SCD5: variants seen among roughly 807,000 people sequenced by gnomAD.
SCD5 encodes the protein acyl-CoA-desaturase 4.
Under a neutral mutation model 30.4 loss-of-function variants are expected in SCD5, and 20 were observed. That is an observed-to-expected ratio of 0.66 (90% confidence interval 0.46 to 0.96). SCD5 has a LOEUF of 0.96. SCD5 is among the 40% of genes least tolerant of loss of function. The pLI, the probability that SCD5 is intolerant of heterozygous loss-of-function variation, is 0.00. For missense variants in SCD5, 381 were observed against 443.3 expected (o/e 0.86, Z 1.26); for synonymous variants, 173 against 176.4 (o/e 0.98, Z 0.16).
intron 1 of SCD5, among the ~76,000 whole-genome samples, chr4:82,778,929 C>A (rs551072284): frequency 6.6e-6 from 1 of 150,882 alleles, no homozygotes; most frequent in South Asian, 2.1e-4. Flanking sequence ...TGCAGCCGTA[C>A]AATCTCAGCT....
intron 1 of SCD5, among the ~76,000 whole-genome samples, chr4:82,713,106 G>C (rs571030244): frequency 5.3e-5 from 8 of 152,326 alleles, no homozygotes; most frequent in African/African-American, 1.9e-4. Context: ...GCTGCAGAAA[G>C]ATATGTTCTC....
Position 82,670,635 on chromosome 4 carries a change from T to A in SCD5, c.569+10072A>T, listed in dbSNP as rs149417858. On this transcript the variant is annotated intron_variant, in intron 3 of 4. Transcript: ENST00000319540. ...GGTAAATATCAATTGATATGGAATA[T>A]CAATTCCATATCAATTCCATATCAA... Among the ~76,000 whole-genome samples, 14 of 151,862 alleles carry A rather than the reference T, an allele frequency of 9.2e-5. No homozygotes were observed. The East Asian group carries it at 2.7e-3, about 29-fold the overall frequency.
chr4:82,787,855 C>T (rs1424725773), intron 1 of SCD5, among the ~76,000 whole-genome samples: 2 of 152,006 alleles, frequency 1.3e-5, no homozygotes, highest in African/African-American at 4.8e-5. Context: ...ATAAAAAGAC[C>T]CTCATTCTCT....
At chr4:82,726,404 C>T (rs1204604041) in intron 1 of SCD5, among the ~76,000 whole-genome samples, 3 of 127,806 alleles carry the variant, frequency 2.3e-5, no homozygotes, top group East Asian at 2.2e-4. Context: ...GCAACAACAG[C>T]GAAACTCTGT....
chr4:82,761,881 T>C (rs548282148), intron 1 of SCD5, among the ~76,000 whole-genome samples: 4 of 152,090 alleles, frequency 2.6e-5, no homozygotes, highest in African/African-American at 7.2e-5. Flanking sequence ...CTAGAAACCT[T>C]ACACTCCATG....
intron 2 of SCD5, among the ~76,000 whole-genome samples, chr4:82,698,303 T>C (rs1719740933): frequency 1.3e-5 from 2 of 152,172 alleles, no homozygotes; most frequent in Non-Finnish European, 2.9e-5. Flanking sequence ...TCTGGTGTTT[T>C]GTTCTCTTCT....
chr4:82,678,382 G>A (rs968399680), intron 3 of SCD5, among the ~76,000 whole-genome samples: 20 of 151,928 alleles, frequency 1.3e-4, no homozygotes, highest in African/African-American at 4.8e-4. Flanking sequence ...ATTTTTTTAT[G>A]AGAAAAGATG....
At chr4:82,746,796 G>A (rs1470149424) in intron 1 of SCD5, among the ~76,000 whole-genome samples, 1 of 152,072 alleles carries the variant, frequency 6.6e-6, no homozygotes, top group Admixed American at 6.6e-5. Context: ...TCCCTGGCAA[G>A]GGCTCCACCC....
chr4:82,783,173 T>C (rs114374584), intron 1 of SCD5, among the ~76,000 whole-genome samples: 3,960 of 152,262 alleles, frequency 0.026, 183 homozygotes, highest in African/African-American at 0.091. Context: ...TGCACTTCAG[T>C]ACAACTCACT....
chr4:82,644,119 T>TA (rs1386933974), intron 3 of SCD5, among the ~76,000 whole-genome samples: 6 of 152,204 alleles, frequency 3.9e-5, no homozygotes, highest in African/African-American at 1.2e-4. Flanking sequence ...TTAAAGGACT[T>TA]ACTCTCCCAG....
intron 1 of SCD5, among the ~76,000 whole-genome samples, chr4:82,787,290 C>G (rs1722007753): frequency 6.6e-6 from 1 of 151,432 alleles, no homozygotes; most frequent in African/African-American, 2.4e-5. Context: ...AGAACACATT[C>G]TAAGTCACTG....
intron 2 of SCD5, among the ~76,000 whole-genome samples, chr4:82,684,736 C>T (rs1728659578): frequency 6.6e-6 from 1 of 152,126 alleles, no homozygotes; most frequent in African/African-American, 2.4e-5. Flanking sequence ...ATACCCCCAG[C>T]GGTATCCTGA....
intron 2 of SCD5, among the ~76,000 whole-genome samples, chr4:82,684,704 G>A (rs568088436): frequency 4.2e-4 from 64 of 152,292 alleles, no homozygotes; most frequent in African/African-American, 1.4e-3. Context: ...GGAGTGAATG[G>A]AGATCAACTG....
intron 1 of SCD5, among the ~76,000 whole-genome samples, chr4:82,753,725 C>A (rs969562134): frequency 6.6e-6 from 1 of 152,110 alleles, no homozygotes; most frequent in African/African-American, 2.4e-5. Flanking sequence ...TTTGCCTCCC[C>A]CCTCAGCCAT....
chr4:82,658,512 G>C (rs1245389945), intron 3 of SCD5, among the ~76,000 whole-genome samples: 1 of 134,670 alleles, frequency 7.4e-6, no homozygotes, highest in Non-Finnish European at 1.5e-5. Flanking sequence ...GTGTCACCAG[G>C]CTGGAGTGCA....
At chr4:82,639,796 G>A (rs9991687) in intron 3 of SCD5, among the ~76,000 whole-genome samples, 130,944 of 152,252 alleles carry the variant, frequency 0.86, 56,448 homozygotes, top group East Asian at 0.99. Flanking sequence ...AAGCCATCTT[G>A]CAACTCCAGC....
At chr4:82,636,895 GA>G in intron 3 of SCD5, 72 bp from the exon 4 acceptor site, 1 of 1,299,104 alleles carries the variant, frequency 7.7e-7, no homozygotes, top group Non-Finnish European at 1.1e-6. Context: ...CAAGTCACAG[GA>G]AAAGTCAGAA....
At chr4:82,774,297 T>TA (rs35459169) in intron 1 of SCD5, among the ~76,000 whole-genome samples, 13,927 of 150,428 alleles carry the variant, frequency 0.093, 654 homozygotes, top group East Asian at 0.11. Flanking sequence ...ATACTGCCAT[T>TA]AAAAAAAAAT....
chr4:82,661,029 C>G (rs140094740), intron 3 of SCD5: 22 of 1,613,906 alleles, frequency 1.4e-5, no homozygotes, highest in East Asian at 4.5e-5. Context: ...GCATCTCACA[C>G]GCTGCCTCTT....
Sources: gnomAD v4.1 joint callset for allele counts (sites outside exome capture counted in the v4.1 genomes callset) on GRCh38, gnomAD v4.1.1 for gene constraint, MANE v1.5 for transcripts, NCBI Gene and HGNC (gene_info 2026-07-23, HGNC 2026-07-21) for gene names.